The following DCC variants were observed in gnomAD, a reference collection of about 807,000 sequenced individuals.
The protein encoded by DCC is netrin receptor DCC.
Under a neutral mutation model 172.5 loss-of-function variants are expected in DCC, and 58 were observed. The observed-to-expected ratio is 0.34, with a 90% CI of 0.27 to 0.42. The LOEUF (loss-of-function observed/expected upper bound fraction) is 0.42. Ranked by LOEUF, DCC falls within the 10% of genes least tolerant of loss-of-function variation. The pLI is 1.00. For synonymous variants in DCC, 709 were observed against 644.5 expected, an observed-to-expected ratio of 1.10 and a Z score of -1.52; for missense variants, 1,740 against 1,791.0, an observed-to-expected ratio of 0.97 and a Z score of 0.51.
At chr18:52,604,680 G>A (rs2034095508) in intron 1 of DCC, among the ~76,000 whole-genome samples, 1 of 152,168 alleles carries the variant, frequency 6.6e-6, no homozygotes, top group South Asian at 2.1e-4. Context: ...CTAGCTGCAA[G>A]GGAAGCTTGG....
chr18:52,938,327 T>A (rs779498974), intron 5 of DCC, among the ~76,000 whole-genome samples: 2 of 152,086 alleles, frequency 1.3e-5, no homozygotes, highest in African/African-American at 2.4e-5. Context: ...TGAACCAAAC[T>A]GTGGAAGTGG....
At chr18:53,410,805 C>T (rs562811076) in intron 20 of DCC, among the ~76,000 whole-genome samples, 159 bp downstream of exon 20, 3 of 152,008 alleles carry the variant, frequency 2.0e-5, no homozygotes, top group East Asian at 1.9e-4. Context: ...TGCTCAAAGC[C>T]GACATATCAA....
At chr18:53,292,536 A>G (rs963698569) in intron 12 of DCC, among the ~76,000 whole-genome samples, 2 of 152,126 alleles carry the variant, frequency 1.3e-5, no homozygotes, top group African/African-American at 4.8e-5. Flanking sequence ...AACATACAAA[A>G]AATTATCCAG....
chr18:52,700,341 G>A (rs1176233755), intron 1 of DCC, among the ~76,000 whole-genome samples: 1 of 134,314 alleles, frequency 7.4e-6, no homozygotes, highest in Non-Finnish European at 1.6e-5. Context: ...GCACACCCAT[G>A]CACACTCACT....
chr18:53,352,558 A>G (rs376050454), intron 15 of DCC, among the ~76,000 whole-genome samples: 3 of 152,260 alleles, frequency 2.0e-5, no homozygotes, highest in East Asian at 1.9e-4. Flanking sequence ...CATTATACAT[A>G]TCATGCTATA....
At chr18:52,668,898 T>C (rs1656006020) in intron 1 of DCC, among the ~76,000 whole-genome samples, 1 of 152,226 alleles carries the variant, frequency 6.6e-6, no homozygotes. Context: ...GGTCATGGTG[T>C]AACCACCCAG....
chr18:53,314,524 AT>A (rs2057321704), intron 13 of DCC, among the ~76,000 whole-genome samples: 1 of 152,152 alleles, frequency 6.6e-6, no homozygotes, highest in Non-Finnish European at 1.5e-5. Flanking sequence ...CCGTTGCTGA[AT>A]TTCTCATCCA....
Position 52,968,371 on chromosome 18 carries a change from G to A in DCC, c.985+43001G>A, listed in dbSNP as rs560685044. On this transcript the variant is annotated intron_variant, in intron 5 of 28. Coordinates refer to ENST00000442544, the MANE Select transcript of DCC (RefSeq NM_005215.4). ...TATTATATAGAGGAGAGCTCCATGT[G>A]TGACAAGACATACAGACAGGAAAGA... Among the ~76,000 whole-genome samples, 69 of 152,270 alleles carry A rather than the reference G, an allele frequency of 4.5e-4. No individual in the cohort carries two copies. In the South Asian group the frequency reaches 0.013, roughly 29 times the overall value.
intron 2 of DCC, among the ~76,000 whole-genome samples, chr18:52,876,934 A>G (rs1438315316): frequency 6.6e-6 from 1 of 152,230 alleles, no homozygotes. Flanking sequence ...AGATTTACCA[A>G]ATAAAAATAG....
At chr18:52,902,703 G>A (rs917871178) in intron 2 of DCC, among the ~76,000 whole-genome samples, 3 of 151,906 alleles carry the variant, frequency 2.0e-5, no homozygotes, top group Admixed American at 1.3e-4. Context: ...ACTGTTGCTG[G>A]GTTGTTACAC....
chr18:53,515,292 C>T (rs1435905998), intron 27 of DCC, among the ~76,000 whole-genome samples: 14 of 151,576 alleles, frequency 9.2e-5, no homozygotes, highest in South Asian at 4.2e-4. Context: ...ATTGATGGGA[C>T]GTATTTCCAA....
intron 2 of DCC, among the ~76,000 whole-genome samples, chr18:52,860,146 G>T (rs575137420): frequency 6.6e-6 from 1 of 152,306 alleles, no homozygotes; most frequent in Non-Finnish European, 1.5e-5. Context: ...TATCTGGAGT[G>T]GTCTGTAGAT....
chr18:52,613,064 A>G (rs1787134), intron 1 of DCC, among the ~76,000 whole-genome samples: 13 of 152,248 alleles, frequency 8.5e-5, no homozygotes, highest in African/African-American at 3.1e-4. Context: ...CAGGATGGAC[A>G]TCATGCTGGC....
intron 3 of DCC, among the ~76,000 whole-genome samples, chr18:52,919,218 A>G (rs1464130813): frequency 6.6e-6 from 1 of 152,206 alleles, no homozygotes; most frequent in Non-Finnish European, 1.5e-5. Context: ...GAGCTCATGC[A>G]GCGTGACTTT....
chr18:53,039,902 T>C (rs1159866086), intron 5 of DCC, among the ~76,000 whole-genome samples: 1 of 152,020 alleles, frequency 6.6e-6, no homozygotes, highest in Admixed American at 6.6e-5. Context: ...GGAATGTCCA[T>C]TCCTTGAGGG....
intron 1 of DCC, among the ~76,000 whole-genome samples, chr18:52,731,370 GA>G (rs1166593594): frequency 2.0e-5 from 3 of 152,034 alleles, no homozygotes; most frequent in Non-Finnish European, 4.4e-5. Flanking sequence ...AAAATGAAAG[GA>G]AAAAAATGCA....
chr18:52,374,788 G>C (rs1187198054), intron 1 of DCC, among the ~76,000 whole-genome samples: 1 of 152,162 alleles, frequency 6.6e-6, no homozygotes, highest in African/African-American at 2.4e-5. Flanking sequence ...TTTTGTTCTG[G>C]TCTAGAAAGA....
intron 27 of DCC, among the ~76,000 whole-genome samples, chr18:53,513,508 C>A (rs1392611417): frequency 1.3e-5 from 2 of 152,130 alleles, no homozygotes; most frequent in Non-Finnish European, 2.9e-5. Flanking sequence ...AATTAAAAGA[C>A]ACAGAATGGC....
intron 1 of DCC, among the ~76,000 whole-genome samples, chr18:52,422,945 TCAA>T (rs1987299106): frequency 6.6e-6 from 1 of 152,142 alleles, no homozygotes; most frequent in Admixed American, 6.5e-5. Flanking sequence ...GGCAGGACCT[TCAA>T]TTTGCAGACC....
Sources: gnomAD v4.1 joint callset for allele counts (sites outside exome capture counted in the v4.1 genomes callset) on GRCh38, gnomAD v4.1.1 for gene constraint, MANE v1.5 for transcripts, NCBI Gene and HGNC (gene_info 2026-07-23, HGNC 2026-07-21) for gene names.